Variants in FBXO42 observed in about 807,000 individuals in gnomAD.
FBXO42 encodes F-box protein 42.
Under a neutral mutation model 71.7 loss-of-function variants are expected in FBXO42, and 12 were observed. The observed-to-expected ratio is 0.17, with a 90% CI of 0.11 to 0.27. FBXO42 has a LOEUF of 0.27. Among genes scored for constraint, FBXO42 ranks in the 10% least tolerant of loss-of-function variants. FBXO42 has a pLI of 1.00. For missense variants in FBXO42, 707 were observed against 911.9 expected (o/e 0.78, Z 2.89); for synonymous variants, 325 against 327.5 (o/e 0.99, Z 0.08).
At chr1:16,320,273 A>C (rs2100587060) in intron 1 of FBXO42, among the ~76,000 whole-genome samples, 1 of 150,696 alleles carries the variant, frequency 6.6e-6, no homozygotes, top group East Asian at 2.0e-4. Flanking sequence ...AGGCAGGAGA[A>C]TCACTTGAAC....
chr1:16,269,192 A>T (rs2081811759), intron 4 of FBXO42, among the ~76,000 whole-genome samples: 1 of 146,956 alleles, frequency 6.8e-6, no homozygotes, highest in Admixed American at 6.8e-5. Context: ...GGTTCAAGCG[A>T]TTCTCCTGCC....
Position 16,251,112 on chromosome 1 carries a change from G to A in FBXO42, c.1712C>T (p.Pro571Leu). ...AGGACTTAGTGCTGCAGAGGCCGAG[G>A]GGCCTTTGGAGGACATCGCTTTGAT... is the stretch of plus-strand genomic sequence containing the variant. ...EAIKAMSSKGPSASAALSPPL... is the reference protein window; with the variant it reads ...EAIKAMSSKGLSASAALSPPL... The change falls in exon 10 of 10, where the codon CCC becomes CTC. Residue 571 changes from proline (P) to leucine (L), a missense_variant. Coordinates refer to ENST00000375592, the MANE Select transcript of FBXO42 (RefSeq NM_018994.3). This position sits in a 1 kb window ranked among gnomAD's most constrained non-coding sequence, Gnocchi z 4.5. The A allele has an allele frequency of 6.2e-7, 1 of 1,614,156 alleles. No homozygotes were observed. Among genetic ancestry groups the A allele is most frequent in the Non-Finnish European group, 8.5e-7 (1 of 1,180,032 alleles).
intron 4 of FBXO42, among the ~76,000 whole-genome samples, chr1:16,275,483 GTGGTTCA>G (rs2100486541): frequency 6.6e-6 from 1 of 152,236 alleles, no homozygotes; most frequent in East Asian, 1.9e-4. Flanking sequence ...GCTGGGCATA[GTGGTTCA>G]TGCCTGTAGT....
At position 16,251,721 on chromosome 1, in the gene FBXO42, A is replaced by C. The variant is rs754926225; in HGVS notation, c.1103T>G (p.Leu368Trp). 5.0e-6 allele frequency: 8 copies of C among 1,614,236 alleles called. No homozygotes were observed. In the South Asian group the frequency reaches 7.7e-5, roughly 16 times the overall value. Residue 368 changes from leucine (L) to tryptophan (W), a missense_variant, in exon 10 of 10, where the codon TTG (leucine) becomes TGG (tryptophan). Physicochemically the swap from Leu to Trp is moderately conservative, Grantham distance 61 (BLOSUM62 -2). This residue lies in a region of FBXO42 where 482 missense variants were observed against 587.1 expected (regional missense o/e 0.82). Coordinates refer to ENST00000375592, the MANE Select transcript of FBXO42 (RefSeq NM_018994.3). The surrounding 1 kb of genome is among the most constrained non-coding windows in gnomAD (Gnocchi z 4.5). Reference protein sequence around the residue: ...PSGRAPLSPSLNSRPSPISAT... With the variant: ...PSGRAPLSPSWNSRPSPISAT... ...ACTGATAGGTGATGGGCGAGAGTTC[A>C]AACTGGGGCTGAGTGGGGCTCTCCC...
rs796370058 is a variant in FBXO42, at chr1:16,249,899, T to C, written c.*771A>G. ...AGAAAGAGGAGAATAAATATGTTTT[T>C]TGGCAACTTGCCACCAAATATGATT... On this transcript the variant is annotated 3_prime_UTR_variant, in exon 10 of 10. Coordinates refer to ENST00000375592, the MANE Select transcript of FBXO42 (RefSeq NM_018994.3). 3.3e-5 allele frequency: 5 copies of C among 152,374 alleles called. No individual in the cohort carries two copies. The highest frequency in any genetic ancestry group is 1.2e-4 in the African/African-American group (5 of 41,594). The allele number at this position is 152,374 out of a possible 1,614,324, so 9.4% of individuals were successfully genotyped here.
intron 3 of FBXO42, among the ~76,000 whole-genome samples, chr1:16,305,586 C>A (rs553288609): frequency 6.6e-6 from 1 of 152,002 alleles, no homozygotes; most frequent in South Asian, 2.1e-4. Context: ...TGATGGGGCA[C>A]GCCTGTAGTC....
At chr1:16,284,597 C>A (rs1437101899) in intron 4 of FBXO42, among the ~76,000 whole-genome samples, 1 of 151,972 alleles carries the variant, frequency 6.6e-6, no homozygotes, top group Non-Finnish European at 1.5e-5. Context: ...TTTGGGAGGC[C>A]AAGATGGGCA....
rs34549210 is a variant in FBXO42, at chr1:16,300,893, C to CTTT, written c.367+4907_367+4909dup. On this transcript the variant is annotated intron_variant, in intron 3 of 9. Coordinates refer to ENST00000375592, the MANE Select transcript of FBXO42 (RefSeq NM_018994.3). ...CATTCACCAAAAAGCTAGAATTGGCCTTTTTTTTTTTTTTTTTTTTTTTGA... is the reference window on the plus strand; with the variant it reads ...CATTCACCAAAAAGCTAGAATTGGCCTTTTTTTTTTTTTTTTTTTTTTTTTTGA... Among the ~76,000 whole-genome samples the CTTT allele has an allele frequency of 1.3e-3, 136 of 100,882 alleles. 2 individuals are homozygous for CTTT. Among genetic ancestry groups the CTTT allele is most frequent in the African/African-American group, 4.0e-3 (99 of 24,692 alleles). The allele number at this position is 100,882 out of a possible 152,430, so 66.2% of individuals were successfully genotyped here.
chr1:16,278,687 C>T (rs1252983051), intron 4 of FBXO42, among the ~76,000 whole-genome samples: 3 of 152,092 alleles, frequency 2.0e-5, no homozygotes, highest in African/African-American at 7.2e-5. Flanking sequence ...ACTGACAGCC[C>T]CATATGTAAC....
At position 16,249,557 on chromosome 1, in the gene FBXO42, G is replaced by A. The variant is rs768614394; in HGVS notation, c.*1113C>T. 16 of 152,172 alleles carry A rather than the reference G, an allele frequency of 1.1e-4. No individual in the cohort carries two copies. The highest frequency in any genetic ancestry group is 2.2e-4 in the Non-Finnish European group (15 of 68,036). 9.4% of individuals were successfully genotyped at this position (152,172 alleles called of 1,614,324 possible). On this transcript the variant is annotated 3_prime_UTR_variant, in exon 10 of 10. Transcript: ENST00000375592. ...CAAATATGGGATGAGTGTGCTCAAT[G>A]TGCTTTGGAAGTAAAAAGAAGCCCA...
In FBXO42 at chr1:16,251,897, T is replaced by C. The variant is rs1300716529; in HGVS notation, c.1039-112A>G. On this transcript the variant is annotated intron_variant, in intron 9 of 9. Coordinates refer to ENST00000375592, the MANE Select transcript of FBXO42 (RefSeq NM_018994.3). The surrounding 1 kb of genome is among the most constrained non-coding windows in gnomAD (Gnocchi z 4.5). ...ATGTGCCAGACATTTTGTAGGTACC[T>C]GAGATATGAAGATGAAAATGATGTA... 5.2e-6 allele frequency: 7 copies of C among 1,349,098 alleles called. No homozygotes were observed. The highest frequency in any genetic ancestry group is 7.0e-6 in the Non-Finnish European group (7 of 998,882). The allele number at this position is 1,349,098 out of a possible 1,614,324, so 83.6% of individuals were successfully genotyped here.
Position 16,247,467 on chromosome 1 carries a change from AC to A in FBXO42, c.*3202del. ...ACAAGGTGAAAGAAAGGAAAGGGAA[AC>A]ATCTCTTTGTTCTCCATTGGCTGGT... is the stretch of plus-strand genomic sequence containing the variant. On this transcript the variant is annotated 3_prime_UTR_variant, in exon 10 of 10. Coordinates refer to ENST00000375592, the MANE Select transcript of FBXO42 (RefSeq NM_018994.3). The A allele has an allele frequency of 6.6e-6, 1 of 152,194 alleles. No homozygotes were observed. 9.4% of individuals were successfully genotyped at this position (152,194 alleles called of 1,614,324 possible). A position where few individuals can be genotyped will look rare whatever the true frequency, so the allele number is the denominator to read the frequency against.
intron 4 of FBXO42, among the ~76,000 whole-genome samples, chr1:16,279,065 C>T (rs776578650): frequency 3.9e-5 from 6 of 152,148 alleles, no homozygotes; most frequent in Non-Finnish European, 7.4e-5. Context: ...CATGAGCCAC[C>T]GCGCCCAGCC....
intron 4 of FBXO42, among the ~76,000 whole-genome samples, chr1:16,268,079 A>G: frequency 6.6e-6 from 1 of 150,644 alleles, no homozygotes; most frequent in Non-Finnish European, 1.5e-5. Flanking sequence ...GGAGGTCCAA[A>G]GTCTCAGTTT....
intron 6 of FBXO42, among the ~76,000 whole-genome samples, chr1:16,254,102 C>CT (rs1240104996): frequency 6.6e-6 from 1 of 152,224 alleles, no homozygotes; most frequent in African/African-American, 2.4e-5. Flanking sequence ...TAGGCTGTAT[C>CT]TTTCTTCCCC....
chr1:16,316,043 G>A (rs963355199), intron 1 of FBXO42, among the ~76,000 whole-genome samples: 1 of 151,726 alleles, frequency 6.6e-6, no homozygotes, highest in African/African-American at 2.4e-5. Context: ...GGTGGCACAT[G>A]CCTGTAATCC....
intron 1 of FBXO42, among the ~76,000 whole-genome samples, chr1:16,335,063 C>CCA (rs759429592): frequency 4.3e-5 from 3 of 68,990 alleles, no homozygotes; most frequent in Non-Finnish European, 7.6e-5. Flanking sequence ...CTCGTCTGTA[C>CCA]AAAAAAAAAA....
intron 4 of FBXO42, 164 bp downstream of exon 4, chr1:16,294,619 C>A: frequency 8.7e-6 from 6 of 689,484 alleles, no homozygotes; most frequent in Non-Finnish European, 1.4e-5. Flanking sequence ...AAAACAAAGA[C>A]TTACACAAGC....
intron 3 of FBXO42, among the ~76,000 whole-genome samples, chr1:16,301,682 AAC>A (rs1553152877): frequency 1.3e-4 from 18 of 139,390 alleles, no homozygotes; most frequent in Non-Finnish European, 1.4e-4. Context: ...AAAAAAAAAA[AAC>A]AACAAAAAAA....
Sources: allele counts gnomAD v4.1 joint callset (sites outside exome capture counted in the v4.1 genomes callset), GRCh38; gene constraint gnomAD v4.1.1; regional missense constraint gnomAD v4.1.1; non-coding constraint Gnocchi (gnomAD v3.1); transcripts MANE v1.5; gene names NCBI Gene and HGNC (gene_info 2026-07-23, HGNC 2026-07-21).